The following MALRD1 variants were observed in gnomAD, a reference collection of about 807,000 sequenced individuals.
The protein encoded by MALRD1 is MAM and LDL receptor class A domain containing 1.
Under a neutral mutation model 242.1 loss-of-function variants are expected in MALRD1, and 247 were observed. That is an observed-to-expected ratio of 1.02 (90% confidence interval 0.92 to 1.13). MALRD1 has a LOEUF of 1.13. MALRD1 is among the 50% of genes most tolerant of loss of function. The pLI is 0.00. For missense variants in MALRD1, 2,989 were observed against 2,533.1 expected (o/e 1.18, Z -3.86); for synonymous variants, 995 against 866.6 (o/e 1.15, Z -2.60).
intron 1 of MALRD1, among the ~76,000 whole-genome samples, chr10:19,062,177 A>C (rs546125041): frequency 6.6e-6 from 1 of 152,306 alleles, no homozygotes; most frequent in African/African-American, 2.4e-5. Flanking sequence ...AATACTCAAC[A>C]TTGTTCATCA....
At chr10:19,539,897 T>TGTGTGTGTGCGTGC (rs1365113182) in intron 32 of MALRD1, among the ~76,000 whole-genome samples, 1 of 44,418 alleles carries the variant, frequency 2.3e-5, no homozygotes, top group African/African-American at 6.7e-5. Context: ...TGTGTGTGTG[T>TGTGTGTGTGCGTGC]GCGCGCGCGC....
At chr10:19,276,941 G>A (rs527978482) in intron 19 of MALRD1, among the ~76,000 whole-genome samples, 11 of 151,884 alleles carry the variant, frequency 7.2e-5, no homozygotes, top group Admixed American at 6.6e-4. Context: ...GGGTGGGAAG[G>A]TGGGGTCTTA....
chr10:19,273,883 T>C (rs750051169), intron 19 of MALRD1, among the ~76,000 whole-genome samples: 2 of 152,050 alleles, frequency 1.3e-5, no homozygotes, highest in Non-Finnish European at 2.9e-5. Context: ...TAGGAAAACA[T>C]GCTCAACATG....
chr10:19,564,859 A>G (rs1191970702), intron 32 of MALRD1, among the ~76,000 whole-genome samples: 10 of 152,146 alleles, frequency 6.6e-5, no homozygotes, highest in Admixed American at 5.9e-4. Context: ...TATCATTTCT[A>G]TTGAAGGACA....
At chr10:19,479,744 T>C (rs1403004059) in intron 29 of MALRD1, among the ~76,000 whole-genome samples, 1 of 152,170 alleles carries the variant, frequency 6.6e-6, no homozygotes, top group Non-Finnish European at 1.5e-5. Context: ...GCAGCTGTCA[T>C]GTAAACAGAT....
chr10:19,648,443 G>C (rs1233189730), intron 36 of MALRD1, among the ~76,000 whole-genome samples: 1 of 152,116 alleles, frequency 6.6e-6, no homozygotes, highest in Non-Finnish European at 1.5e-5. Flanking sequence ...AGAGGAGCTT[G>C]GAAAACCCCT....
At chr10:19,052,866 C>T (rs781742975) in intron 1 of MALRD1, among the ~76,000 whole-genome samples, 2 of 152,186 alleles carry the variant, frequency 1.3e-5, no homozygotes, top group Non-Finnish European at 2.9e-5. Context: ...CATATCTTCT[C>T]TCCTCCACCT....
At chr10:19,637,418 A>C (rs568571245) in intron 36 of MALRD1, among the ~76,000 whole-genome samples, 17 of 152,302 alleles carry the variant, frequency 1.1e-4, no homozygotes, top group African/African-American at 4.1e-4. Flanking sequence ...AAAGTAAATT[A>C]TTAGAAAATC....
At chr10:19,687,932 TG>T (rs1842649449) in intron 36 of MALRD1, among the ~76,000 whole-genome samples, 1 of 143,472 alleles carries the variant, frequency 7.0e-6, no homozygotes, top group South Asian at 2.2e-4. Context: ...TGTTATGTTA[TG>T]TTATGTTATG....
intron 28 of MALRD1, among the ~76,000 whole-genome samples, chr10:19,412,407 C>T (rs1472976509): frequency 1.3e-5 from 2 of 152,154 alleles, no homozygotes; most frequent in Non-Finnish European, 2.9e-5. Flanking sequence ...AAAACCCCAT[C>T]AACCAGAAAG....
chr10:19,118,608 A>C (rs34798039), intron 5 of MALRD1, among the ~76,000 whole-genome samples: 8,403 of 152,236 alleles, frequency 0.055, 467 homozygotes, highest in Admixed American at 0.17. Flanking sequence ...GCTTCAGAGA[A>C]AATAGACTGT....
At chr10:19,711,919 T>C (rs1834137602) in intron 38 of MALRD1, among the ~76,000 whole-genome samples, 1 of 151,854 alleles carries the variant, frequency 6.6e-6, no homozygotes, top group South Asian at 2.1e-4. Flanking sequence ...AAACAGGAAT[T>C]AGAGAGGGGT....
chr10:19,149,514 C>G (rs1053002341), intron 11 of MALRD1, among the ~76,000 whole-genome samples: 1 of 152,064 alleles, frequency 6.6e-6, no homozygotes, highest in African/African-American at 2.4e-5. Flanking sequence ...TAGTCACACA[C>G]AGATATATAT....
At chr10:19,479,866 A>T (rs558639266) in intron 29 of MALRD1, among the ~76,000 whole-genome samples, 93 of 152,290 alleles carry the variant, frequency 6.1e-4, no homozygotes, top group Non-Finnish European at 1.1e-3. Flanking sequence ...AGAGGTACAG[A>T]ACATGGGGGA....
chr10:19,085,390 A>C (rs952632843), intron 2 of MALRD1, among the ~76,000 whole-genome samples: 2 of 152,020 alleles, frequency 1.3e-5, no homozygotes, highest in African/African-American at 2.4e-5. Context: ...GGTAAAATGA[A>C]GTACACACTA....
chr10:19,660,310 C>T (rs1280431703), intron 36 of MALRD1, among the ~76,000 whole-genome samples: 2 of 152,228 alleles, frequency 1.3e-5, no homozygotes, highest in African/African-American at 4.8e-5. Context: ...GTTATACAGC[C>T]ACATCAGCAC....
intron 31 of MALRD1, among the ~76,000 whole-genome samples, chr10:19,499,046 C>T (rs1026609835): frequency 1.3e-5 from 2 of 152,098 alleles, no homozygotes; most frequent in African/African-American, 4.8e-5. Flanking sequence ...TGGCTGACCA[C>T]CAATTTCCTT....
rs1278348489 is a variant in MALRD1, at chr10:19,094,150, C to G, written c.597+5965C>G. On this transcript the variant is annotated intron_variant, in intron 4 of 39. Coordinates refer to ENST00000454679, the MANE Select transcript of MALRD1 (RefSeq NM_001142308.3). The stretch of plus-strand genomic sequence containing the variant: ...TGGAGCTTCCCGGCTGCTTTGTTTA[C>G]CTAAGCAAGCCTGGGCAATGGCGGG... Among the ~76,000 whole-genome samples the G allele has an allele frequency of 1.4e-3, 145 of 104,702 alleles. 1 individual carries two copies. The highest frequency in any genetic ancestry group is 4.7e-3 in the African/African-American group (118 of 24,994). 68.7% of individuals were successfully genotyped at this position (104,702 alleles called of 152,430 possible). A position where few individuals can be genotyped will look rare whatever the true frequency, so the allele number is the denominator to read the frequency against.
intron 5 of MALRD1, among the ~76,000 whole-genome samples, chr10:19,105,712 A>G (rs544594898): frequency 1.8e-4 from 27 of 152,142 alleles, no homozygotes; most frequent in African/African-American, 6.0e-4. Flanking sequence ...ACTTTTTGAT[A>G]GTAGCCATTC....
Sources: allele counts gnomAD v4.1 joint callset (sites outside exome capture counted in the v4.1 genomes callset), GRCh38; gene constraint gnomAD v4.1.1; transcripts MANE v1.5; gene names NCBI Gene and HGNC (gene_info 2026-07-23, HGNC 2026-07-21).